Variants in DCAF17 observed in about 807,000 individuals in gnomAD.
DCAF17 encodes DDB1- and CUL4-associated factor 17.
DCAF17 carries 48 observed loss-of-function variants against 66.0 expected under a neutral mutation model. That is an observed-to-expected ratio of 0.73 (90% confidence interval 0.58 to 0.92). DCAF17 has a LOEUF of 0.92. DCAF17 is among the 40% of genes least tolerant of loss of function. The pLI is 0.00. For missense variants in DCAF17, 562 were observed against 622.8 expected, an observed-to-expected ratio of 0.90 and a Z score of 1.04; for synonymous variants, 206 against 214.6, an observed-to-expected ratio of 0.96 and a Z score of 0.35.
chr2:171,471,280 T>TA lies in DCAF17; in HGVS notation c.981+2258dup, dbSNP rs200756917. 1.5e-3 allele frequency among the ~76,000 whole-genome samples: 226 copies of TA among 152,056 alleles called. 4 individuals carry two copies. In the East Asian group the frequency reaches 0.016, roughly 11 times the overall value. On this transcript the variant is annotated intron_variant, in intron 9 of 13. Coordinates refer to ENST00000375255, the MANE Select transcript of DCAF17 (RefSeq NM_025000.4). ...CCTGTTAGTCAGAAGAGTAGATAACTAAAAAAAATGTAAGCAGCCGAACTT... is the reference window on the plus strand; with the variant it reads ...CCTGTTAGTCAGAAGAGTAGATAACTAAAAAAAAATGTAAGCAGCCGAACTT...
At chr2:171,454,376 C>T (rs1254115700) in intron 6 of DCAF17, among the ~76,000 whole-genome samples, 1 of 151,462 alleles carries the variant, frequency 6.6e-6, no homozygotes, top group East Asian at 2.0e-4. Flanking sequence ...TCTCTGCCTC[C>T]TGGGTTCAAA....
chr2:171,434,973 T>G, intron 1 of DCAF17, 110 bp from the exon 2 acceptor site: 1 of 1,062,656 alleles, frequency 9.4e-7, no homozygotes. Flanking sequence ...GGAGGAAGGA[T>G]GCAAAAAGTT....
In DCAF17 at chr2:171,481,204, CT is replaced by C; in HGVS notation, c.*91del. On this transcript the variant is annotated 3_prime_UTR_variant, in exon 14 of 14. Transcript: ENST00000375255. ...CATTTTATTATCTGCATGGCACATT[CT>C]CCAGTATTTTCCAAAAAAGTCTTGT... 6.5e-7 allele frequency: 1 copy of C among 1,545,360 alleles called. No individual in the cohort carries two copies.
chr2:171,484,223 C>T lies in DCAF17; in HGVS notation c.*3109C>T. ...TCCTTCTTACCATGTTTACTTATAT[C>T]ATCCATCTTTTAGAATCCCAGGGAG... On this transcript the variant is annotated 3_prime_UTR_variant, in exon 14 of 14. Coordinates refer to ENST00000375255, the MANE Select transcript of DCAF17 (RefSeq NM_025000.4). The T allele has an allele frequency of 2.2e-6, 1 of 450,962 alleles. No homozygotes were observed. The highest frequency in any genetic ancestry group is 4.4e-6 in the Non-Finnish European group (1 of 226,266). The allele number at this position is 450,962 out of a possible 1,614,324, so 27.9% of individuals were successfully genotyped here.
At position 171,481,081 on chromosome 2, in the gene DCAF17, G is replaced by C. The variant is rs1696722397; in HGVS notation, c.1530G>C (p.Gly510=). ...TTTACCAGATGATATGTGACACTGG[G>C]GAAGAAGAAGAAACCATAAACAGAA... The part of the protein sequence containing the change: ...CYVYQMICDT[G]EEEETINRSC The change falls in exon 14 of 14, where the codon GGG becomes GGC. Residue 510 remains glycine, a synonymous_variant. Coordinates refer to ENST00000375255, the MANE Select transcript of DCAF17 (RefSeq NM_025000.4). 1.1e-5 allele frequency: 17 copies of C among 1,613,532 alleles called. No homozygotes were observed. Among genetic ancestry groups the C allele is most frequent in the Middle Eastern group, 3.3e-4 (2 of 6,084 alleles).
At chr2:171,446,314 G>A (rs1274925781) in intron 3 of DCAF17, among the ~76,000 whole-genome samples, 3 of 152,068 alleles carry the variant, frequency 2.0e-5, no homozygotes, top group African/African-American at 7.2e-5. Context: ...TTGGGAGGCC[G>A]AGGCGGGCAG....
At chr2:171,462,416 T>A (rs73022949) in intron 8 of DCAF17, among the ~76,000 whole-genome samples, 6,041 of 152,248 alleles carry the variant, frequency 0.04, 396 homozygotes, top group African/African-American at 0.13. Context: ...CAAAGGATAT[T>A]GTTTAAAAGA....
chr2:171,445,262 C>G (rs1382216985), intron 3 of DCAF17, among the ~76,000 whole-genome samples: 6 of 151,968 alleles, frequency 3.9e-5, no homozygotes. Context: ...GTAGCTGGGA[C>G]TACAGGCACC....
chr2:171,446,325 A>G (rs1694622403), intron 3 of DCAF17, among the ~76,000 whole-genome samples: 1 of 152,154 alleles, frequency 6.6e-6, no homozygotes, highest in African/African-American at 2.4e-5. Flanking sequence ...AGGCGGGCAG[A>G]TCACGAGATC....
chr2:171,445,580 T>C (rs1027912292), intron 3 of DCAF17, among the ~76,000 whole-genome samples: 1 of 152,248 alleles, frequency 6.6e-6, no homozygotes, highest in Non-Finnish European at 1.5e-5. Flanking sequence ...CTGTGTGAAT[T>C]ACAGCTTTTT....
intron 9 of DCAF17, among the ~76,000 whole-genome samples, chr2:171,473,219 T>A (rs2105802769): frequency 6.6e-6 from 1 of 152,238 alleles, no homozygotes; most frequent in South Asian, 2.1e-4. Flanking sequence ...GAGGAAGAAG[T>A]TGTGGAGAAC....
rs373722641 is a variant in DCAF17, at chr2:171,434,388, T to G, written c.-190T>G. The stretch of plus-strand genomic sequence containing the variant: ...TTCCCTTCTCTCCGCGCTCTGGCGG[T>G]GCAAGCGGCTCTGCTTTCCCTCGCC... On this transcript the variant is annotated 5_prime_UTR_variant, in exon 1 of 14. Transcript: ENST00000375255. The G allele has an allele frequency of 2.5e-5, 24 of 960,198 alleles. No individual in the cohort carries two copies. The highest frequency in any genetic ancestry group is 3.1e-4 in the Middle Eastern group (1 of 3,224). 59.5% of individuals were successfully genotyped at this position (960,198 alleles called of 1,614,324 possible). A position where few individuals can be genotyped will look rare whatever the true frequency, so the allele number is the denominator to read the frequency against.
intron 2 of DCAF17, among the ~76,000 whole-genome samples, chr2:171,439,181 T>C (rs1694146230): frequency 1.3e-5 from 2 of 152,170 alleles, no homozygotes; most frequent in South Asian, 4.1e-4. Flanking sequence ...AGTTTGAATA[T>C]GCTTCCCAGA....
At chr2:171,467,727 CAAAAAAAAA>C (rs34238683) in intron 8 of DCAF17, among the ~76,000 whole-genome samples, 6 of 68,740 alleles carry the variant, frequency 8.7e-5, no homozygotes, top group Middle Eastern at 7.4e-3. Flanking sequence ...GAGACTGTCT[CAAAAAAAAA>C]AAAAAAAAAA....
chr2:171,462,204 A>G (rs111530397), intron 8 of DCAF17, among the ~76,000 whole-genome samples: 65 of 152,296 alleles, frequency 4.3e-4, no homozygotes, highest in African/African-American at 1.6e-3. Context: ...CCAAAGCCAT[A>G]AAAGAAGAGA....
At chr2:171,442,395 A>AAAAATAC (rs1277404643) in intron 2 of DCAF17, among the ~76,000 whole-genome samples, 1 of 151,608 alleles carries the variant, frequency 6.6e-6, no homozygotes, top group Non-Finnish European at 1.5e-5. Context: ...TGTCTCTACT[A>AAAAATAC]AAAATACAAA....
intron 7 of DCAF17, 81 bp from the exon 8 acceptor site, chr2:171,458,291 A>G (rs1463420235): frequency 8.1e-7 from 1 of 1,235,094 alleles, no homozygotes; most frequent in African/African-American, 1.5e-5. Flanking sequence ...TGTCATATAC[A>G]TGTGAATTTT....
chr2:171,471,504 G>A (rs1483779447), intron 9 of DCAF17, among the ~76,000 whole-genome samples: 3 of 152,150 alleles, frequency 2.0e-5, no homozygotes, highest in Non-Finnish European at 2.9e-5. Context: ...TGCATATTTT[G>A]TATTAAAGGA....
chr2:171,458,801 T>C (rs1695408515), intron 8 of DCAF17, among the ~76,000 whole-genome samples: 1 of 152,146 alleles, frequency 6.6e-6, no homozygotes, highest in Admixed American at 6.5e-5. Flanking sequence ...TCTTATAACT[T>C]AGTATTTTAC....
Sources: allele counts gnomAD v4.1 joint callset (sites outside exome capture counted in the v4.1 genomes callset), GRCh38; gene constraint gnomAD v4.1.1; transcripts MANE v1.5; gene names NCBI Gene and HGNC (gene_info 2026-07-23, HGNC 2026-07-21).